FAT3: variants seen among roughly 807,000 people sequenced by gnomAD.
FAT3 encodes the protein protocadherin Fat 3.
Under a neutral mutation model 310.2 loss-of-function variants are expected in FAT3, and 95 were observed. That is an observed-to-expected ratio of 0.31 (90% confidence interval 0.26 to 0.36). The LOEUF (loss-of-function observed/expected upper bound fraction) is 0.36. Ranked by LOEUF, FAT3 falls within the 10% of genes least tolerant of loss-of-function variation. The pLI is 1.00. For synonymous variants in FAT3, 2,314 were observed against 2,192.9 expected (o/e 1.06, Z -1.54); for missense variants, 5,408 against 5,715.6 (o/e 0.95, Z 1.74).
At chr11:92,669,768 G>A (rs1296964554) in intron 3 of FAT3, among the ~76,000 whole-genome samples, 1 of 152,142 alleles carries the variant, frequency 6.6e-6, no homozygotes, top group East Asian at 1.9e-4. Context: ...CAGGCCCTGG[G>A]ACCAATCATG....
chr11:92,387,798 G>A (rs1436475092), intron 2 of FAT3, among the ~76,000 whole-genome samples: 1 of 152,184 alleles, frequency 6.6e-6, no homozygotes, highest in Non-Finnish European at 1.5e-5. Flanking sequence ...GAGTGGTGCT[G>A]AGGAGGAACA....
chr11:92,433,568 A>T (rs545325834), intron 2 of FAT3, among the ~76,000 whole-genome samples: 219 of 152,240 alleles, frequency 1.4e-3, no homozygotes, highest in African/African-American at 4.8e-3. Context: ...TGCACCCACT[A>T]TGTAACCAGT....
chr11:92,281,347 T>C (rs928551639), intron 1 of FAT3, among the ~76,000 whole-genome samples: 4 of 152,184 alleles, frequency 2.6e-5, no homozygotes, highest in African/African-American at 7.2e-5. Context: ...TTATAATTTA[T>C]TTTATTTTGC....
At chr11:92,280,246 A>G (rs933729692) in intron 1 of FAT3, among the ~76,000 whole-genome samples, 1 of 152,200 alleles carries the variant, frequency 6.6e-6, no homozygotes, top group African/African-American at 2.4e-5. Flanking sequence ...TACAGATTTA[A>G]TATGACAAAA....
Position 92,561,892 on chromosome 11 carries a change from C to T in FAT3, c.3607+36944C>T, listed in dbSNP as rs538003314. Among the ~76,000 whole-genome samples, 3 of 152,254 alleles carry T rather than the reference C, an allele frequency of 2.0e-5. No homozygotes were observed. In the East Asian group the frequency reaches 5.8e-4, roughly 29 times the overall value. ...CCACCCATCTCAGCCTCCCAAAGTG[C>T]TGGGATTACAGGCGTGAACCACCAT... is the stretch of plus-strand genomic sequence containing the variant. On this transcript the variant is annotated intron_variant, in intron 3 of 27. Transcript: ENST00000525166.
intron 3 of FAT3, among the ~76,000 whole-genome samples, chr11:92,672,653 T>C (rs746752196): frequency 1.3e-5 from 2 of 152,146 alleles, no homozygotes; most frequent in Non-Finnish European, 2.9e-5. Context: ...TTAAGGAGCA[T>C]ATTTAGAGGC....
intron 3 of FAT3, among the ~76,000 whole-genome samples, chr11:92,584,052 A>G (rs765576039): frequency 2.6e-5 from 4 of 151,884 alleles, no homozygotes; most frequent in Non-Finnish European, 2.9e-5. Context: ...CATAAACTCA[A>G]CTCTTCTTTT....
intron 1 of FAT3, among the ~76,000 whole-genome samples, chr11:92,268,439 G>C (rs186310453): frequency 8.0e-6 from 1 of 124,766 alleles, no homozygotes; most frequent in Admixed American, 7.5e-5. Context: ...GAACATGTTT[G>C]ACAATTGTAA....
Position 92,352,746 on chromosome 11 carries a change from G to A in FAT3, c.634G>A (p.Val212Ile). 1 of 1,613,832 alleles carries A rather than the reference G, an allele frequency of 6.2e-7. No individual in the cohort carries two copies. Among genetic ancestry groups the A allele is most frequent in the Non-Finnish European group, 8.5e-7 (1 of 1,179,880 alleles). ...DLFSVHPTSG[V>I]ISLSGRLNYD... is the part of the protein sequence containing the mutation. ...CTTTTCAGTTCACCCCACGAGTGGT[G>A]TCATCTCCTTAAGTGGTCGATTAAA... Residue 212 changes from valine to isoleucine, a missense_variant, in exon 2 of 28, where the codon GTC (valine) becomes ATC (isoleucine). Physicochemically the swap from Val to Ile is conservative, Grantham distance 29. This residue lies in a region of FAT3 where 4,588 missense variants were observed against 4,809.8 expected (regional missense o/e 0.95). Coordinates refer to ENST00000525166, the MANE Select transcript of FAT3 (RefSeq NM_001367949.2).
chr11:92,548,928 A>G (rs1472251356), intron 3 of FAT3, among the ~76,000 whole-genome samples: 1 of 152,204 alleles, frequency 6.6e-6, no homozygotes, highest in Non-Finnish European at 1.5e-5. Context: ...TTTATTGGCC[A>G]ACAGTGTCAA....
chr11:92,756,292 A>C (rs1012328547), intron 4 of FAT3, among the ~76,000 whole-genome samples: 3 of 152,236 alleles, frequency 2.0e-5, no homozygotes, highest in African/African-American at 7.2e-5. Context: ...GAGTTCAATG[A>C]CAATGATGAT....
At chr11:92,550,698 C>T (rs1954781452) in intron 3 of FAT3, among the ~76,000 whole-genome samples, 1 of 152,002 alleles carries the variant, frequency 6.6e-6, no homozygotes, top group South Asian at 2.1e-4. Flanking sequence ...AGCTATTACC[C>T]AAATCTCCTG....
intron 2 of FAT3, among the ~76,000 whole-genome samples, chr11:92,516,060 C>A (rs990528590): frequency 2.0e-5 from 3 of 152,198 alleles, no homozygotes; most frequent in African/African-American, 7.2e-5. Flanking sequence ...ACCAAAGGTA[C>A]AAAGAGAAGC....
chr11:92,895,655 C>T lies in FAT3; in HGVS notation c.*4542C>T, dbSNP rs1183600501. 2.0e-5 allele frequency: 3 copies of T among 152,020 alleles called. No homozygotes were observed. The highest frequency in any genetic ancestry group is 4.4e-5 in the Non-Finnish European group (3 of 68,022). 9.4% of individuals were successfully genotyped at this position (152,020 alleles called of 1,614,324 possible). ...CCACACTACTGCATTTTGGGAGTGG[C>T]AAATGTGTTTGGAAATGGAAGCAGT... is the stretch of plus-strand genomic sequence containing the variant. On this transcript the variant is annotated 3_prime_UTR_variant, in exon 28 of 28. Coordinates refer to ENST00000525166, the MANE Select transcript of FAT3 (RefSeq NM_001367949.2).
chr11:92,433,552 G>C (rs1156974712), intron 2 of FAT3, among the ~76,000 whole-genome samples: 1 of 152,054 alleles, frequency 6.6e-6, no homozygotes, highest in Admixed American at 6.6e-5. Context: ...CTCACCCTCC[G>C]TGGGCTGCAC....
chr11:92,665,519 GTTC>G (rs1201818954), intron 3 of FAT3, among the ~76,000 whole-genome samples: 2 of 152,188 alleles, frequency 1.3e-5, no homozygotes, highest in Non-Finnish European at 2.9e-5. Context: ...CCTAGAGGTA[GTTC>G]TTCTAGAGTT....
At chr11:92,836,725 T>C (rs757283647) in intron 16 of FAT3, 22 bp downstream of exon 16, 1 of 1,605,172 alleles carries the variant, frequency 6.2e-7, no homozygotes, top group South Asian at 1.1e-5. Flanking sequence ...TAGGACAGTT[T>C]CCTTCCCATC....
chr11:92,746,403 A>G (rs1945671820), intron 4 of FAT3, among the ~76,000 whole-genome samples: 1 of 152,164 alleles, frequency 6.6e-6, no homozygotes, highest in Non-Finnish European at 1.5e-5. Flanking sequence ...GGAGAACAAT[A>G]TATGAGAAAC....
chr11:92,455,420 A>G (rs581520), intron 2 of FAT3, among the ~76,000 whole-genome samples: 108,613 of 152,014 alleles, frequency 0.71, 40,977 homozygotes, highest in East Asian at 0.87. Context: ...GTGTCGGCTG[A>G]TATCATATGG....
Sources: allele counts gnomAD v4.1 joint callset (sites outside exome capture counted in the v4.1 genomes callset), GRCh38; gene constraint gnomAD v4.1.1; regional missense constraint gnomAD v4.1.1; transcripts MANE v1.5; gene names NCBI Gene and HGNC (gene_info 2026-07-23, HGNC 2026-07-21).